VKORC1L1: variants seen among roughly 807,000 people sequenced by gnomAD.
VKORC1L1 encodes the protein vitamin K epoxide reductase complex subunit 1-like protein 1.
In VKORC1L1, 2 loss-of-function variants were observed where a neutral mutation model predicts 18.9. The observed-to-expected ratio is 0.11, with a 90% confidence interval of 0.04 to 0.33. The LOEUF is 0.33. VKORC1L1 is among the 10% of genes least tolerant of loss of function. VKORC1L1 has a pLI of 1.00. For synonymous variants in VKORC1L1, 96 were observed against 100.0 expected (o/e 0.96, Z 0.24); for missense variants, 123 against 224.1 (o/e 0.55, Z 2.88).
chr7:65,951,968 C>T (rs1790220619), intron 2 of VKORC1L1, among the ~76,000 whole-genome samples: 1 of 152,178 alleles, frequency 6.6e-6, no homozygotes. Context: ...CTGAGCCAAA[C>T]GTACCTAGCT....
intron 1 of VKORC1L1, among the ~76,000 whole-genome samples, chr7:65,935,020 C>T (rs543534752): frequency 6.7e-6 from 1 of 148,662 alleles, no homozygotes; most frequent in South Asian, 2.1e-4. Context: ...CACCACTGCA[C>T]TCCAGCCTGG....
At chr7:65,902,180 A>G (rs1320904109) in intron 1 of VKORC1L1, among the ~76,000 whole-genome samples, 1 of 152,236 alleles carries the variant, frequency 6.6e-6, no homozygotes, top group Non-Finnish European at 1.5e-5. Context: ...TCAGGAGAAC[A>G]ATCAGCAGAA....
At chr7:65,883,026 C>T (rs774070122) in intron 1 of VKORC1L1, among the ~76,000 whole-genome samples, 5 of 152,034 alleles carry the variant, frequency 3.3e-5, no homozygotes, top group African/African-American at 7.2e-5. Context: ...TGATACCATG[C>T]CATCAAAACA....
intron 2 of VKORC1L1, among the ~76,000 whole-genome samples, chr7:65,949,548 C>T (rs187851447): frequency 1.4e-4 from 22 of 151,830 alleles, no homozygotes; most frequent in African/African-American, 5.1e-4. Context: ...CACCTGTAAT[C>T]CTAGGACTTT....
At chr7:65,929,026 A>G (rs373820545) in intron 1 of VKORC1L1, among the ~76,000 whole-genome samples, 1 of 152,150 alleles carries the variant, frequency 6.6e-6, no homozygotes, top group African/African-American at 2.4e-5. Flanking sequence ...TATGCCATCT[A>G]TATATATTTG....
chr7:65,901,166 AT>A (rs1328378822), intron 1 of VKORC1L1, among the ~76,000 whole-genome samples: 1 of 152,218 alleles, frequency 6.6e-6, no homozygotes, highest in Non-Finnish European at 1.5e-5. Flanking sequence ...GTTCGGTGTT[AT>A]AAAGAGGTAG....
At chr7:65,945,113 T>C (rs558050574) in intron 1 of VKORC1L1, among the ~76,000 whole-genome samples, 1 of 150,922 alleles carries the variant, frequency 6.6e-6, no homozygotes, top group South Asian at 2.1e-4. Context: ...ATACAAAAAT[T>C]AGCTGGGCGT....
chr7:65,871,706 G>C (rs1380976394), upstream of VKORC1L1, among the ~76,000 whole-genome samples: 1 of 152,140 alleles, frequency 6.6e-6, no homozygotes, highest in Non-Finnish European at 1.5e-5. Flanking sequence ...CCAACAGCCA[G>C]AGAGGACCTC....
At position 65,897,717 on chromosome 7, in the gene VKORC1L1, CTG is replaced by C. The variant is rs753577047; in HGVS notation, c.194+24156_194+24157del. ...AATCTTTTTTTTTTTTTTTTAATCT[CTG>C]TGTTATGTGGAATTACACTGAGAAA... On this transcript the variant is annotated intron_variant, in intron 1 of 2. Coordinates refer to ENST00000360768, the MANE Select transcript of VKORC1L1 (RefSeq NM_173517.6). 1.7e-3 allele frequency among the ~76,000 whole-genome samples: 248 copies of C among 145,758 alleles called. 2 individuals carry two copies. Among genetic ancestry groups the C allele is most frequent in the Admixed American group, 6.0e-3 (87 of 14,540 alleles).
At chr7:65,949,039 C>G (rs1790167524) in intron 2 of VKORC1L1, among the ~76,000 whole-genome samples, 1 of 152,154 alleles carries the variant, frequency 6.6e-6, no homozygotes. Flanking sequence ...AATTATCACT[C>G]CCATCTTCCC....
chr7:65,875,639 G>T (rs865810570), intron 1 of VKORC1L1, among the ~76,000 whole-genome samples: 2 of 151,854 alleles, frequency 1.3e-5, no homozygotes, highest in African/African-American at 4.8e-5. Flanking sequence ...GGATGGTCTC[G>T]ATCTCCTGAC....
intron 1 of VKORC1L1, among the ~76,000 whole-genome samples, chr7:65,896,688 A>T (rs1391853155): frequency 6.6e-6 from 1 of 151,946 alleles, no homozygotes; most frequent in East Asian, 1.9e-4. Context: ...CAGAAAAAAA[A>T]GTTGATGAAT....
intron 1 of VKORC1L1, among the ~76,000 whole-genome samples, chr7:65,887,361 G>A (rs1431989417): frequency 6.6e-6 from 1 of 151,950 alleles, no homozygotes; most frequent in Non-Finnish European, 1.5e-5. Context: ...GTACATTGCT[G>A]TATATTAAAG....
intron 1 of VKORC1L1, among the ~76,000 whole-genome samples, chr7:65,942,179 ACT>A (rs1199646627): frequency 4.3e-4 from 66 of 152,110 alleles, no homozygotes; most frequent in Non-Finnish European, 2.8e-4. Context: ...TTCTAGTAAA[ACT>A]ACTGACAGAG....
chr7:65,869,526 G>C (rs10260870), upstream of VKORC1L1, among the ~76,000 whole-genome samples: 3 of 151,706 alleles, frequency 2.0e-5, no homozygotes, highest in African/African-American at 7.3e-5. Context: ...CATCAGAGCT[G>C]AGAAAGACGT....
At chr7:65,887,684 A>C (rs1204173056) in intron 1 of VKORC1L1, among the ~76,000 whole-genome samples, 2 of 152,344 alleles carry the variant, frequency 1.3e-5, no homozygotes, top group East Asian at 3.9e-4. Context: ...CAGTAGAATA[A>C]TTTGTAAATA....
At chr7:65,899,558 C>G (rs774799834) in intron 1 of VKORC1L1, among the ~76,000 whole-genome samples, 16 of 152,048 alleles carry the variant, frequency 1.1e-4, no homozygotes, top group Non-Finnish European at 1.3e-4. Context: ...GACTCTGAAG[C>G]TTATGGGAGG....
chr7:65,878,184 G>T (rs1210396939), intron 1 of VKORC1L1, among the ~76,000 whole-genome samples: 3 of 152,134 alleles, frequency 2.0e-5, no homozygotes, highest in Non-Finnish European at 1.5e-5. Flanking sequence ...AGTGGTTCAC[G>T]CCTGTAATCC....
chr7:65,907,929 A>T (rs1192372208), intron 1 of VKORC1L1, among the ~76,000 whole-genome samples: 1 of 152,118 alleles, frequency 6.6e-6, no homozygotes, highest in Non-Finnish European at 1.5e-5. Context: ...AATGGAGCGA[A>T]CACTGGATTA....
Sources: allele counts gnomAD v4.1 joint callset (sites outside exome capture counted in the v4.1 genomes callset), GRCh38; gene constraint gnomAD v4.1.1; transcripts MANE v1.5; gene names NCBI Gene and HGNC (gene_info 2026-07-23, HGNC 2026-07-21).